Variants in FXYD2 observed in about 807,000 individuals in gnomAD.
The protein encoded by FXYD2 is sodium/potassium-transporting ATPase subunit gamma.
FXYD2 carries 8 observed loss-of-function variants against 11.8 expected under a neutral mutation model. The observed-to-expected ratio is 0.68, with a 90% CI of 0.40 to 1.22. The LOEUF is 1.22. Ranked by LOEUF, FXYD2 falls within the 50% of genes most tolerant of loss-of-function variation. The probability of loss-of-function intolerance (pLI) is 0.01; values close to 1 mark genes in which losing one functional copy is unlikely to be tolerated. For synonymous variants in FXYD2, 42 were observed against 33.3 expected (o/e 1.26, Z -0.90); for missense variants, 92 against 91.8 (o/e 1.00, Z -0.01).
rs2055940275 is a variant in FXYD2, at chr11:117,822,763, GC to G, written c.26-47del. 1.3e-6 allele frequency: 2 copies of G among 1,593,278 alleles called. No homozygotes were observed. Among genetic ancestry groups the G allele is most frequent in the Non-Finnish European group, 1.7e-6 (2 of 1,173,038 alleles). The stretch of plus-strand genomic sequence containing the variant: ...GGATGAGAGGAGTCACCGATGGTGA[GC>G]CAGCCACAGGAACAGCTGGAATTCC... On this transcript the variant is annotated intron_variant, in intron 1 of 5. Transcript: ENST00000292079. This position sits in a 1 kb window ranked among gnomAD's most constrained non-coding sequence, Gnocchi z 4.7.
Position 117,822,559 on chromosome 11 carries a change from A to T in FXYD2, c.65-79T>A. The T allele has an allele frequency of 4.5e-6, 7 of 1,560,064 alleles. No individual in the cohort carries two copies. Among genetic ancestry groups the T allele is most frequent in the Non-Finnish European group, 6.1e-6 (7 of 1,151,402 alleles). ...TCTCTCTCCGCAGCCTGCCCGCAGC[A>T]GCCCGTGGTAACCAGGGGAGATAAG... On this transcript the variant is annotated intron_variant, in intron 2 of 5. Transcript: ENST00000292079. The surrounding 1 kb of genome is among the most constrained non-coding windows in gnomAD (Gnocchi z 4.7).
Position 117,824,208 on chromosome 11 carries a change from C to A in FXYD2, c.25+446G>T. On this transcript the variant is annotated intron_variant, in intron 1 of 5. Coordinates refer to ENST00000292079, the MANE Select transcript of FXYD2 (RefSeq NM_001680.5). The surrounding 1 kb of genome is among the most constrained non-coding windows in gnomAD (Gnocchi z 4.0). ...TTGGTTTCCAGGCCTGAGTCAGTTCCTGTGACAGGAAGCCTTTGGAGAGTG... is the reference window on the plus strand; with the variant it reads ...TTGGTTTCCAGGCCTGAGTCAGTTCATGTGACAGGAAGCCTTTGGAGAGTG... 4.3e-6 allele frequency: 1 copy of A among 232,094 alleles called. No homozygotes were observed. Among genetic ancestry groups the A allele is most frequent in the Non-Finnish European group, 8.7e-6 (1 of 115,038 alleles). The allele number at this position is 232,094 out of a possible 1,614,324, so 14.4% of individuals were successfully genotyped here.
At chr11:117,826,707 C>T (rs980521514), upstream of FXYD2, among the ~76,000 whole-genome samples, 16 of 152,056 alleles carry the variant, frequency 1.1e-4, no homozygotes, top group African/African-American at 3.6e-4. Flanking sequence ...TGGAGTCTTT[C>T]GGGAATAATA....
At position 117,822,245 on chromosome 11, in the gene FXYD2, C is replaced by A; in HGVS notation, c.139+161G>T. The A allele has an allele frequency of 6.6e-7, 1 of 1,514,504 alleles. No individual in the cohort carries two copies. The allele number at this position is 1,514,504 out of a possible 1,614,324, so 93.8% of individuals were successfully genotyped here. On this transcript the variant is annotated intron_variant, in intron 3 of 5. Coordinates refer to ENST00000292079, the MANE Select transcript of FXYD2 (RefSeq NM_001680.5). This position sits in a 1 kb window ranked among gnomAD's most constrained non-coding sequence, Gnocchi z 4.7. ...AACCTCACACTGTGCTCCCAGCGAG[C>A]CTGGCACCCCACCGGGCACCCATTC...
chr11:117,826,244 G>A (rs1000820143), upstream of FXYD2, among the ~76,000 whole-genome samples: 2 of 152,170 alleles, frequency 1.3e-5, no homozygotes, highest in African/African-American at 4.8e-5. Flanking sequence ...TGAGTGAGAC[G>A]GAGAGAATGG....
chr11:117,825,984 G>T (rs530632994), upstream of FXYD2, among the ~76,000 whole-genome samples: 1 of 152,306 alleles, frequency 6.6e-6, no homozygotes, highest in South Asian at 2.1e-4. Context: ...CTCAGTCAAT[G>T]ACTTCACCTC....
chr11:117,825,251 G>A (rs2056010439), upstream of FXYD2, among the ~76,000 whole-genome samples: 1 of 152,210 alleles, frequency 6.6e-6, no homozygotes, highest in South Asian at 2.1e-4. Flanking sequence ...CTGACCAGCA[G>A]TAGATCCTCC....
At position 117,821,801 on chromosome 11, in the gene FXYD2, G is replaced by A. The variant is rs2134099822; in HGVS notation, c.139+605C>T. On this transcript the variant is annotated intron_variant, in intron 3 of 5. Coordinates refer to ENST00000292079, the MANE Select transcript of FXYD2 (RefSeq NM_001680.5). The stretch of plus-strand genomic sequence containing the variant: ...GGGGTGGGGTGGCAGTGGCACACGT[G>A]CATTAGAAGTCCAGAGCCCACAGGT... The A allele has an allele frequency of 6.1e-6, 6 of 990,496 alleles. No individual in the cohort carries two copies. The South Asian group carries it at 2.8e-4, about 46-fold the overall frequency. 61.4% of individuals were successfully genotyped at this position (990,496 alleles called of 1,614,324 possible).
At chr11:117,826,778 GTCTATCTATCTA>G (rs150585221), upstream of FXYD2, among the ~76,000 whole-genome samples, 13,977 of 125,540 alleles carry the variant, frequency 0.11, 906 homozygotes, top group East Asian at 0.2. Flanking sequence ...CTGTCTGTCT[GTCTATCTATCTA>G]TCTATCTATC....
upstream of FXYD2, chr11:117,824,769 G>A: frequency 2.0e-6 from 3 of 1,524,722 alleles, no homozygotes; most frequent in Non-Finnish European, 2.7e-6. The surrounding 1 kb of genome is among the most constrained non-coding windows in gnomAD (Gnocchi z 4.0). Context: ...GGTGGCCGGG[G>A]ACGAGGTGCG....
intron 4 of FXYD2, 79 bp downstream of exon 4, chr11:117,820,780 G>C (rs548244596): frequency 6.2e-7 from 1 of 1,613,242 alleles, no homozygotes; most frequent in South Asian, 1.1e-5. Flanking sequence ...ATCCTCCACT[G>C]TGTCAGAGAC....
rs1390825781 is a variant in FXYD2 at position 117,822,695 on chromosome 11, C to T, written c.48G>A (p.Val16=). The change falls in exon 2 of 6, where the codon GTG becomes GTA. Residue 16 remains valine, a synonymous_variant. Coordinates refer to ENST00000292079, the MANE Select transcript of FXYD2 (RefSeq NM_001680.5). The surrounding 1 kb of genome is among the most constrained non-coding windows in gnomAD (Gnocchi z 4.7). The stretch of plus-strand genomic sequence containing the variant: ...CAGGCTTACCATAGTAGAACGGGTC[C>T]ACGTCCCCCTTGGGGCTGCCGCCTA... ...MDGGGSPKGD[V]DPFYYDYETV... is the part of the protein sequence containing the mutation. 6.2e-7 allele frequency: 1 copy of T among 1,610,640 alleles called. No homozygotes were observed. The highest frequency in any genetic ancestry group is 2.2e-5 in the East Asian group (1 of 44,754).
upstream of FXYD2, among the ~76,000 whole-genome samples, chr11:117,827,743 G>A (rs935705609): frequency 1.9e-4 from 29 of 152,196 alleles, no homozygotes; most frequent in South Asian, 2.1e-4. Context: ...TCTAAGGGAC[G>A]GATGGACAGA....
At chr11:117,826,760 CTGT>C (rs2056042492), upstream of FXYD2, among the ~76,000 whole-genome samples, 1 of 86,846 alleles carries the variant, frequency 1.2e-5, no homozygotes, top group African/African-American at 4.3e-5. Flanking sequence ...ATTCATCTGT[CTGT>C]CTGTCTGTCT....
Position 117,822,336 on chromosome 11 carries a change from G to A in FXYD2, c.139+70C>T. 6.5e-7 allele frequency: 1 copy of A among 1,549,516 alleles called. No homozygotes were observed. Among genetic ancestry groups the A allele is most frequent in the Non-Finnish European group, 8.7e-7 (1 of 1,146,826 alleles). On this transcript the variant is annotated intron_variant, in intron 3 of 5. Transcript: ENST00000292079. The surrounding 1 kb of genome is among the most constrained non-coding windows in gnomAD (Gnocchi z 4.7). ...CTCCCTTGGCAACTCCCGAAAGCCA[G>A]CCTGCTCAGCGGCCTTGAGAAGAGA...
rs2055889264 is a variant in FXYD2 at position 117,821,029 on chromosome 11, T to C, written c.140-134A>G. 2.8e-5 allele frequency: 30 copies of C among 1,062,676 alleles called. 2 individuals carry two copies. In the South Asian group the frequency reaches 4.0e-4, roughly 14 times the overall value. The allele number at this position is 1,062,676 out of a possible 1,614,324, so 65.8% of individuals were successfully genotyped here. ...GCAGGGTCAGGCTTGGAGGCCACGT[T>C]TGACTGTCTCTATTTTATTTTATAT... is the stretch of plus-strand genomic sequence containing the variant. On this transcript the variant is annotated intron_variant, in intron 3 of 5. Coordinates refer to ENST00000292079, the MANE Select transcript of FXYD2 (RefSeq NM_001680.5).
chr11:117,820,858 C>T lies in FXYD2; in HGVS notation c.176+1G>A. On this transcript the variant is annotated splice_donor_variant, in intron 4 of 5. Transcript: ENST00000292079. LOFTEE classifies it high-confidence loss of function. The stretch of plus-strand genomic sequence containing the variant: ...CATCGGTCACCCCAGGCAGCGCTCA[C>T]CTGCGCTTCTTATTGCCCCCACAGC... The T allele has an allele frequency of 6.2e-7, 1 of 1,613,730 alleles. No homozygotes were observed. Among genetic ancestry groups the T allele is most frequent in the Non-Finnish European group, 8.5e-7 (1 of 1,179,974 alleles).
In FXYD2 at chr11:117,822,701, C is replaced by G. The variant is rs752997671; in HGVS notation, c.42G>C (p.Gly14=). ...TACCATAGTAGAACGGGTCCACGTC[C>G]CCCTTGGGGCTGCCGCCTAGGAGAG... ...LSMDGGGSPK[G]DVDPFYYDYE... is the part of the protein sequence containing the mutation. The change falls in exon 2 of 6, where the codon GGG becomes GGC. Residue 14 remains glycine, a synonymous_variant. Coordinates refer to ENST00000292079, the MANE Select transcript of FXYD2 (RefSeq NM_001680.5). The surrounding 1 kb of genome is among the most constrained non-coding windows in gnomAD (Gnocchi z 4.7). 3 of 1,610,470 alleles carry G rather than the reference C, an allele frequency of 1.9e-6. No individual in the cohort carries two copies. Among genetic ancestry groups the G allele is most frequent in the South Asian group, 2.2e-5 (2 of 89,894 alleles).
Position 117,822,981 on chromosome 11 carries a change from G to T in FXYD2, c.26-264C>A, listed in dbSNP as rs1286694995. 1.3e-5 allele frequency among the ~76,000 whole-genome samples: 2 copies of T among 152,126 alleles called. No individual in the cohort carries two copies. Among genetic ancestry groups the T allele is most frequent in the Non-Finnish European group, 2.9e-5 (2 of 68,014 alleles). On this transcript the variant is annotated intron_variant, in intron 1 of 5. Coordinates refer to ENST00000292079, the MANE Select transcript of FXYD2 (RefSeq NM_001680.5). The surrounding 1 kb of genome is among the most constrained non-coding windows in gnomAD (Gnocchi z 4.7). Reference sequence around the variant, plus strand: ...GGGGGGCCTCTGACCACTCCGGAAGGGTGGCTCTCTCCTGCTCCTTGATTC... The same window carrying T: ...GGGGGGCCTCTGACCACTCCGGAAGTGTGGCTCTCTCCTGCTCCTTGATTC...
Sources: gnomAD v4.1 joint callset for allele counts (sites outside exome capture counted in the v4.1 genomes callset) on GRCh38, gnomAD v4.1.1 for gene constraint, Gnocchi (gnomAD v3.1) non-coding constraint, MANE v1.5 for transcripts, NCBI Gene and HGNC (gene_info 2026-07-23, HGNC 2026-07-21) for gene names.